C11orf16: variants seen among roughly 807,000 people sequenced by gnomAD.
The protein encoded by C11orf16 is uncharacterized protein C11orf16.
Under a neutral mutation model 45.1 loss-of-function variants are expected in C11orf16, and 38 were observed. That is an observed-to-expected ratio of 0.84 (90% CI 0.65 to 1.10). The LOEUF is 1.10. Among genes scored for constraint, C11orf16 ranks in the 50% least tolerant of loss-of-function variants. The pLI is 0.00. For synonymous variants in C11orf16, 221 were observed against 222.0 expected, an observed-to-expected ratio of 1.00 and a Z score of 0.04; for missense variants, 583 against 569.5, an observed-to-expected ratio of 1.02 and a Z score of -0.24.
chr11:8,927,552 C>A (rs889482555), intron 3 of C11orf16: 1 of 455,370 alleles, frequency 2.2e-6, no homozygotes, highest in African/African-American at 2.0e-5. Flanking sequence ...CTTCCAGCAC[C>A]CCCAAGAAGC....
intron 6 of C11orf16, 66 bp from the exon 7 acceptor site, chr11:8,920,516 T>C (rs2064563753): frequency 1.6e-6 from 1 of 625,432 alleles, no homozygotes; most frequent in Non-Finnish European, 2.9e-6. Flanking sequence ...CAAAAGTCAC[T>C]GATTTTAAAA....
chr11:8,927,237 G>C, intron 3 of C11orf16, 63 bp from the exon 4 acceptor site: 1 of 1,323,592 alleles, frequency 7.6e-7, no homozygotes, highest in Non-Finnish European at 1.1e-6. Context: ...GGAGCACCCA[G>C]GTTCCCTACG....
chr11:8,923,607 G>A (rs1335270426), intron 5 of C11orf16, among the ~76,000 whole-genome samples: 2 of 152,012 alleles, frequency 1.3e-5, no homozygotes, highest in African/African-American at 4.8e-5. Flanking sequence ...GAAAGAAACC[G>A]GCATTTCTTT....
intron 5 of C11orf16, among the ~76,000 whole-genome samples, chr11:8,923,108 A>C (rs1481077651): frequency 6.6e-6 from 1 of 152,240 alleles, no homozygotes; most frequent in Non-Finnish European, 1.5e-5. Context: ...TCAGGGGAGA[A>C]AATAACTTTG....
chr11:8,927,711 A>G, intron 3 of C11orf16: 1 of 455,250 alleles, frequency 2.2e-6, no homozygotes, highest in Non-Finnish European at 4.4e-6. Flanking sequence ...AGGGTTAGCT[A>G]AGCAAATGAA....
chr11:8,930,690 G>A (rs2064644316), intron 2 of C11orf16, among the ~76,000 whole-genome samples: 1 of 152,124 alleles, frequency 6.6e-6, no homozygotes, highest in African/African-American at 2.4e-5. Flanking sequence ...GAGTTGTTGA[G>A]TCAGGGTTTG....
At position 8,927,036 on chromosome 11, in the gene C11orf16, G is replaced by A. The variant is rs749942831; in HGVS notation, c.463C>T (p.Pro155Ser). ...LSPSVGYSLR[P>S]GDKVLALWEP... is the part of the protein sequence containing the mutation. ...CAGAGTGCCAGCACCTTATCCCCTGGTCTCAGTGAGTATCCTACAGATGGT... is the reference window on the plus strand; with the variant it reads ...CAGAGTGCCAGCACCTTATCCCCTGATCTCAGTGAGTATCCTACAGATGGT... Residue 155 changes from proline (P) to serine (S), a missense_variant, in exon 4 of 7, where the codon CCA becomes TCA. Transcript: ENST00000326053. 6.2e-7 allele frequency: 1 copy of A among 1,614,046 alleles called. No individual in the cohort carries two copies. Among genetic ancestry groups the A allele is most frequent in the Non-Finnish European group, 8.5e-7 (1 of 1,180,014 alleles).
intron 4 of C11orf16, 78 bp from the exon 5 acceptor site, chr11:8,926,185 C>CTTTTTTTTTTTTTT (rs59858402): frequency 9.6e-5 from 85 of 888,936 alleles, no homozygotes; most frequent in African/African-American, 3.0e-4. Context: ...TTTTTCTTTT[C>CTTTTTTTTTTTTTT]TTTTTTTTTT....
chr11:8,920,852 C>A (rs976361642), intron 6 of C11orf16, among the ~76,000 whole-genome samples: 2 of 152,096 alleles, frequency 1.3e-5, no homozygotes, highest in Non-Finnish European at 2.9e-5. Flanking sequence ...TTGCTGTGTC[C>A]CAAATGTCTT....
intron 5 of C11orf16, among the ~76,000 whole-genome samples, chr11:8,923,977 C>G (rs2064591829): frequency 6.6e-6 from 1 of 151,820 alleles, no homozygotes; most frequent in Non-Finnish European, 1.5e-5. Context: ...TCACAGAAGC[C>G]CAGGACCCAC....
chr11:8,931,471 C>A (rs931455487), intron 2 of C11orf16, among the ~76,000 whole-genome samples: 2 of 152,120 alleles, frequency 1.3e-5, no homozygotes, highest in Non-Finnish European at 2.9e-5. Context: ...TCACTGCAAC[C>A]TTTCCACCTT....
Position 8,932,301 on chromosome 11 carries a change from G to A in C11orf16, c.8C>T (p.Ser3Phe). Residue 3 changes from serine to phenylalanine, a missense_variant, in exon 2 of 7, where the codon TCC becomes TTC. Transcript: ENST00000326053. ...CAAAGGCATCCTGGGCCCCGTGGAG[G>A]ATTCCATGGCCTTCAGAGGATCCAC... MESSTGPRMPLLK... is the reference protein window; with the variant it reads MEFSTGPRMPLLK... 1 of 1,602,794 alleles carries A rather than the reference G, an allele frequency of 6.2e-7. No individual in the cohort carries two copies. Among genetic ancestry groups the A allele is most frequent in the Non-Finnish European group, 8.5e-7 (1 of 1,175,016 alleles).
In C11orf16 at chr11:8,925,819, C is replaced by A. The variant is rs77516847; in HGVS notation, c.848G>T (p.Cys283Phe). Residue 283 changes from cysteine (C) to phenylalanine (F), a missense_variant, in exon 5 of 7, where the codon TGT (cysteine) becomes TTT (phenylalanine). Transcript: ENST00000326053. ...AGTCGTGCCACATGGCGGGCAGCCA[C>A]AGAGGCAGCCCTGGCACAGTAGCTG... ...CCQLLCQGCL[C>F]GCPPCGTTWW... 1,597 of 1,614,204 alleles carry A rather than the reference C, an allele frequency of 9.9e-4. 7 individuals carry two copies. The African/African-American group carries it at 0.02, about 20-fold the overall frequency.
At chr11:8,930,544 C>G (rs772785492) in intron 2 of C11orf16, among the ~76,000 whole-genome samples, 2 of 151,540 alleles carry the variant, frequency 1.3e-5, no homozygotes, top group South Asian at 4.2e-4. Flanking sequence ...AATTGTAATG[C>G]CACTTGATGC....
At chr11:8,923,683 T>C (rs1398993825) in intron 5 of C11orf16, among the ~76,000 whole-genome samples, 1 of 152,000 alleles carries the variant, frequency 6.6e-6, no homozygotes, top group East Asian at 1.9e-4. Flanking sequence ...GTGTAGTGGC[T>C]TACCCTGCCT....
rs915751239 is a variant in C11orf16, at chr11:8,920,142, G to A, written c.*331C>T. On this transcript the variant is annotated 3_prime_UTR_variant, in exon 7 of 7. Coordinates refer to ENST00000326053, the MANE Select transcript of C11orf16 (RefSeq NM_020643.3). Reference sequence around the variant, plus strand: ...ACTCATGTACAACTAGGCTTTATGGGAAGGTGGCAGAGTGGCTGTGGACAC... The same window carrying A: ...ACTCATGTACAACTAGGCTTTATGGAAAGGTGGCAGAGTGGCTGTGGACAC... 1 of 338,450 alleles carries A rather than the reference G, an allele frequency of 3.0e-6. No homozygotes were observed. The highest frequency in any genetic ancestry group is 5.3e-6 in the Non-Finnish European group (1 of 188,322). The allele number at this position is 338,450 out of a possible 1,614,324, so 21.0% of individuals were successfully genotyped here.
rs1048500625 is a variant in C11orf16 at position 8,925,695 on chromosome 11, C to G, written c.972G>C (p.Glu324Asp). ...QLLPLEGPKEEKVAMHAPLAV... is the reference protein window; with the variant it reads ...QLLPLEGPKEDKVAMHAPLAV... ...CCAGGGGAGCGTGCATTGCTACTTT[C>G]TCCTCTTTAGGACCTTCCAGGGGCA... Residue 324 changes from glutamate to aspartate, a missense_variant, in exon 5 of 7, where the codon GAG becomes GAC. By Grantham distance (45) the Glu-to-Asp change is conservative. Coordinates refer to ENST00000326053, the MANE Select transcript of C11orf16 (RefSeq NM_020643.3). 3.1e-6 allele frequency: 5 copies of G among 1,614,122 alleles called. No individual in the cohort carries two copies. The African/African-American group carries it at 6.7e-5, about 22-fold the overall frequency.
Position 8,925,996 on chromosome 11 carries a change from C to T in C11orf16, c.671G>A (p.Arg224Lys). The change falls in exon 5 of 7, where the codon AGG becomes AAG. Residue 224 changes from arginine (R) to lysine (K), a missense_variant. Arg to Lys is a conservative substitution (Grantham distance 26). Transcript: ENST00000326053. ...CTCCCTGGTGAAAGACTTGTGCAGC[C>T]TCTCCACAGCCTTCTTCCAGATGGT... ...SLTIWKKAVE[R>K]LHKSFTREHP... 2 of 1,614,122 alleles carry T rather than the reference C, an allele frequency of 1.2e-6. No homozygotes were observed. The highest frequency in any genetic ancestry group is 1.7e-6 in the Non-Finnish European group (2 of 1,180,002).
At chr11:8,931,844 A>G (rs1316385967) in intron 2 of C11orf16, among the ~76,000 whole-genome samples, 1 of 152,148 alleles carries the variant, frequency 6.6e-6, no homozygotes, top group Admixed American at 6.5e-5. Context: ...CTCAGCATTG[A>G]TGGTAAAATG....
Sources: allele counts gnomAD v4.1 joint callset (sites outside exome capture counted in the v4.1 genomes callset), GRCh38; gene constraint gnomAD v4.1.1; transcripts MANE v1.5; gene names NCBI Gene and HGNC (gene_info 2026-07-23, HGNC 2026-07-21).